Variants in CFAP54 observed in about 807,000 individuals in gnomAD.
CFAP54 encodes the protein cilia and flagella associated protein 54.
Under a neutral mutation model 370.4 loss-of-function variants are expected in CFAP54, and 290 were observed. That is an observed-to-expected ratio of 0.78 (90% CI 0.71 to 0.86). The LOEUF (loss-of-function observed/expected upper bound fraction) is 0.86, where lower values mean the gene tolerates loss of function less well. Ranked by LOEUF, CFAP54 falls within the 40% of genes least tolerant of loss-of-function variation. The pLI, the probability that CFAP54 is intolerant of heterozygous loss-of-function variation, is 0.00. For missense variants in CFAP54, 3,399 were observed against 3,528.7 expected, an observed-to-expected ratio of 0.96 and a Z score of 0.93; for synonymous variants, 1,206 against 1,236.5, an observed-to-expected ratio of 0.98 and a Z score of 0.52.
chr12:96,814,637 A>G (rs1958957932), intron 64 of CFAP54, among the ~76,000 whole-genome samples: 2 of 152,208 alleles, frequency 1.3e-5, no homozygotes, highest in Admixed American at 6.5e-5. Flanking sequence ...TGCCGCACCT[A>G]TCAACCTGAC....
At chr12:96,503,025 C>CCCTTCCTTT (rs1444046592) in intron 2 of CFAP54, among the ~76,000 whole-genome samples, 3 of 150,764 alleles carry the variant, frequency 2.0e-5, no homozygotes, top group Non-Finnish European at 3.0e-5. Context: ...CCCTCCCTCT[C>CCCTTCCTTT]CCTTCCTTTC....
At chr12:96,675,960 A>G (rs1329436267) in intron 39 of CFAP54, among the ~76,000 whole-genome samples, 1 of 151,916 alleles carries the variant, frequency 6.6e-6, no homozygotes, top group Non-Finnish European at 1.5e-5. Context: ...CAGGGGAGGG[A>G]TAGCATTAGG....
intron 66 of CFAP54, among the ~76,000 whole-genome samples, chr12:96,837,929 GTTC>G (rs771571262): frequency 1.1e-4 from 17 of 152,268 alleles, no homozygotes; most frequent in Non-Finnish European, 2.2e-4. Flanking sequence ...GCACTCCATG[GTTC>G]TTCTAGCATT....
In CFAP54 at chr12:96,534,037, A is replaced by G. The variant is rs1955474636; in HGVS notation, c.1540-25A>G. The G allele has an allele frequency of 1.3e-6, 2 of 1,503,162 alleles. 1 individual carries two copies. The highest frequency in any genetic ancestry group is 1.8e-6 in the Non-Finnish European group (2 of 1,134,464). 93.1% of individuals were successfully genotyped at this position (1,503,162 alleles called of 1,614,324 possible). On this transcript the variant is annotated intron_variant, in intron 10 of 67. Transcript: ENST00000524981. ...TTAAAATGACATCCAATTACTAATTAACGTGTGGGATATACTTCCCCAAGA... is the reference window on the plus strand; with the variant it reads ...TTAAAATGACATCCAATTACTAATTGACGTGTGGGATATACTTCCCCAAGA...
intron 33 of CFAP54, chr12:96,646,528 G>C (rs140827770): frequency 3.9e-5 from 6 of 152,218 alleles, no homozygotes; most frequent in Non-Finnish European, 7.3e-5. Context: ...TTCAACCTTT[G>C]TGGAAGTCAG....
At chr12:96,723,734 T>C (rs1957788867) in intron 50 of CFAP54, among the ~76,000 whole-genome samples, 1 of 151,712 alleles carries the variant, frequency 6.6e-6, no homozygotes, top group South Asian at 2.1e-4. Context: ...GTGTGCAGGT[T>C]AGTTACATAT....
intron 26 of CFAP54, among the ~76,000 whole-genome samples, chr12:96,606,459 CA>C (rs1956302041): frequency 6.6e-6 from 1 of 151,972 alleles, no homozygotes; most frequent in Non-Finnish European, 1.5e-5. Context: ...GTGTTTGTTA[CA>C]AAAATATGGG....
chr12:96,728,904 C>T (rs949209762), intron 50 of CFAP54, among the ~76,000 whole-genome samples: 12 of 152,276 alleles, frequency 7.9e-5, no homozygotes, highest in African/African-American at 2.9e-4. Flanking sequence ...CAGACAGGAC[C>T]CTCAGCTGCA....
rs565322619 is a variant in CFAP54, at chr12:96,491,822, C to T, written c.317+1896C>T. Among the ~76,000 whole-genome samples, 15 of 152,248 alleles carry T rather than the reference C, an allele frequency of 9.9e-5. No homozygotes were observed. The East Asian group carries it at 2.5e-3, about 25-fold the overall frequency. ...TACCCCAGGCTGGAGTGTACTGCTGCGATCTCAGCTTACTGCAACCTCTGC... is the reference window on the plus strand; with the variant it reads ...TACCCCAGGCTGGAGTGTACTGCTGTGATCTCAGCTTACTGCAACCTCTGC... On this transcript the variant is annotated intron_variant, in intron 1 of 67. Transcript: ENST00000524981.
chr12:96,554,658 A>G lies in CFAP54; in HGVS notation c.2284-18A>G. On this transcript the variant is annotated intron_variant, in intron 16 of 67. Coordinates refer to ENST00000524981, the MANE Select transcript of CFAP54 (RefSeq NM_001306084.2). ...TGATAACTATATTTCTTTTTATTTC[A>G]ACTCTGTTGGACCAAAGCGTACCCA... The G allele has an allele frequency of 6.6e-7, 1 of 1,509,556 alleles. No individual in the cohort carries two copies. The highest frequency in any genetic ancestry group is 8.8e-7 in the Non-Finnish European group (1 of 1,132,436). The allele number at this position is 1,509,556 out of a possible 1,614,324, so 93.5% of individuals were successfully genotyped here.
At position 96,784,717 on chromosome 12, in the gene CFAP54, A is replaced by G; in HGVS notation, c.8282A>G (p.Asp2761Gly). 6.7e-7 allele frequency: 1 copy of G among 1,502,116 alleles called. No individual in the cohort carries two copies. Among genetic ancestry groups the G allele is most frequent in the Non-Finnish European group, 8.8e-7 (1 of 1,134,118 alleles). 93.0% of individuals were successfully genotyped at this position (1,502,116 alleles called of 1,614,324 possible). A position where few individuals can be genotyped will look rare whatever the true frequency, so the allele number is the denominator to read the frequency against. ...ACAAAAAAAAGTTTTTCACTTTCAG[A>G]CAACTACCAAGTCCTCTTCCAGACT... ...LLSSYTDYLL[D>G]NYQVLFQTSC... The change falls in exon 61 of 68, where the codon GAC becomes GGC. Residue 2761 changes from aspartate (D) to glycine (G), a missense_variant and splice_region_variant. This residue lies in a region of CFAP54 where 2,796 missense variants were observed against 2,869.7 expected (regional missense o/e 0.97). Coordinates refer to ENST00000524981, the MANE Select transcript of CFAP54 (RefSeq NM_001306084.2).
intron 24 of CFAP54, 58 bp downstream of exon 24, chr12:96,592,695 T>G: frequency 1.7e-6 from 1 of 584,326 alleles, no homozygotes; most frequent in Non-Finnish European, 2.6e-6. Flanking sequence ...TTTCTTGATG[T>G]TTTAAGATCA....
At chr12:96,870,242 A>G (rs1490364230) in intron 67 of CFAP54, among the ~76,000 whole-genome samples, 1 of 152,026 alleles carries the variant, frequency 6.6e-6, no homozygotes, top group African/African-American at 2.4e-5. Context: ...GCCTGGCGAC[A>G]GAGTGAGACT....
chr12:96,778,864 T>C (rs182261156), intron 60 of CFAP54, among the ~76,000 whole-genome samples: 283 of 151,936 alleles, frequency 1.9e-3, no homozygotes, highest in African/African-American at 6.5e-3. Flanking sequence ...TCCCAGCACA[T>C]TGGGAGTCTG....
chr12:96,664,951 G>T lies in CFAP54; in HGVS notation c.5563+1019G>T, dbSNP rs2371221. Among the ~76,000 whole-genome samples the T allele has an allele frequency of 1.6e-4, 24 of 151,570 alleles. No homozygotes were observed. In the South Asian group the frequency reaches 4.8e-3, roughly 30 times the overall value. On this transcript the variant is annotated intron_variant, in intron 39 of 67. Coordinates refer to ENST00000524981, the MANE Select transcript of CFAP54 (RefSeq NM_001306084.2). ...TCCCACTAACAATGTATAAGCGTTCGTTTTTCTCCACAACCTTGCCAGCAT... is the reference window on the plus strand; with the variant it reads ...TCCCACTAACAATGTATAAGCGTTCTTTTTTCTCCACAACCTTGCCAGCAT...
Position 96,688,991 on chromosome 12 carries a change from CTA to C in CFAP54, c.6081+11_6081+12del. On this transcript the variant is annotated intron_variant, in intron 43 of 67. Transcript: ENST00000524981. ...CTGCGTTACTCTTTCAGGTAACACT[CTA>C]TGTATGTATGTTTTTCCATTGTAGC... 6.6e-7 allele frequency: 1 copy of C among 1,515,672 alleles called. No individual in the cohort carries two copies. Among genetic ancestry groups the C allele is most frequent in the Non-Finnish European group, 8.9e-7 (1 of 1,127,204 alleles). 93.9% of individuals were successfully genotyped at this position (1,515,672 alleles called of 1,614,324 possible).
At chr12:96,505,894 C>T (rs944797183) in intron 3 of CFAP54, among the ~76,000 whole-genome samples, 3 of 152,142 alleles carry the variant, frequency 2.0e-5, no homozygotes, top group East Asian at 1.9e-4. Flanking sequence ...GAGCAGTGTC[C>T]GTTTCTTCCT....
At chr12:96,715,100 A>G (rs146513185) in intron 48 of CFAP54, among the ~76,000 whole-genome samples, 54 of 152,314 alleles carry the variant, frequency 3.5e-4, no homozygotes, top group African/African-American at 1.2e-3. Context: ...GGAAACAAAG[A>G]CATCAACCGA....
At chr12:96,663,809 T>A in intron 38 of CFAP54, 21 bp from the exon 39 acceptor site, 1 of 1,568,804 alleles carries the variant, frequency 6.4e-7, no homozygotes, top group Non-Finnish European at 8.8e-7. Context: ...CTAATATTTG[T>A]TTTCACCTTT....
Sources: allele counts gnomAD v4.1 joint callset (sites outside exome capture counted in the v4.1 genomes callset), GRCh38; gene constraint gnomAD v4.1.1; regional missense constraint gnomAD v4.1.1; transcripts MANE v1.5; gene names NCBI Gene and HGNC (gene_info 2026-07-23, HGNC 2026-07-21).